Variants in ADCY2 observed in about 807,000 individuals in gnomAD.
ADCY2 encodes the protein adenylate cyclase type 2.
Under a neutral mutation model 125.2 loss-of-function variants are expected in ADCY2, and 31 were observed. The ratio of observed to expected loss-of-function variants is 0.25; its 90% CI spans 0.19 to 0.33. ADCY2 has a LOEUF of 0.33. ADCY2 is among the 10% of genes least tolerant of loss of function. The pLI, the probability that ADCY2 is intolerant of heterozygous loss-of-function variation, is 1.00. For missense variants in ADCY2, 904 were observed against 1,418.2 expected, an observed-to-expected ratio of 0.64 and a Z score of 5.82; for synonymous variants, 512 against 548.4, an observed-to-expected ratio of 0.93 and a Z score of 0.93.
At chr5:7,632,930 T>C (rs1439773218) in intron 4 of ADCY2, among the ~76,000 whole-genome samples, 1 of 152,152 alleles carries the variant, frequency 6.6e-6, no homozygotes, top group East Asian at 1.9e-4. Context: ...TTGCGAAGAT[T>C]GCAATGAAGA....
chr5:7,663,736 A>G (rs1468642950), intron 4 of ADCY2, among the ~76,000 whole-genome samples: 1 of 152,186 alleles, frequency 6.6e-6, no homozygotes, highest in East Asian at 1.9e-4. Flanking sequence ...ATATTTGGTC[A>G]GGCCGATAGG....
chr5:7,400,273 T>G (rs755823961), intron 1 of ADCY2, among the ~76,000 whole-genome samples: 1 of 152,218 alleles, frequency 6.6e-6, no homozygotes, highest in African/African-American at 2.4e-5. Context: ...AATAAGAGTA[T>G]GCACTTTTAT....
intron 18 of ADCY2, among the ~76,000 whole-genome samples, chr5:7,783,272 T>C (rs968156705): frequency 3.3e-5 from 5 of 152,304 alleles, no homozygotes; most frequent in African/African-American, 7.2e-5. Context: ...ACAAGTATCA[T>C]TTGGAAAGAG....
intron 15 of ADCY2, among the ~76,000 whole-genome samples, chr5:7,744,063 C>T (rs1465825277): frequency 6.6e-6 from 1 of 152,138 alleles, no homozygotes; most frequent in African/African-American, 2.4e-5. Flanking sequence ...TTTATAGCAG[C>T]AAATGCAAGT....
intron 2 of ADCY2, among the ~76,000 whole-genome samples, chr5:7,425,520 T>C (rs1487488703): frequency 2.6e-5 from 4 of 152,242 alleles, no homozygotes. Flanking sequence ...GAGAGTGAAT[T>C]ATAGACTTCA....
intron 2 of ADCY2, among the ~76,000 whole-genome samples, chr5:7,493,878 G>A (rs1190837393): frequency 6.6e-6 from 1 of 152,092 alleles, no homozygotes; most frequent in Admixed American, 6.6e-5. Flanking sequence ...AGGAAACTGA[G>A]TCAAATAAGT....
chr5:7,481,983 A>G (rs747071332), intron 2 of ADCY2, among the ~76,000 whole-genome samples: 4 of 152,164 alleles, frequency 2.6e-5, no homozygotes, highest in Non-Finnish European at 5.9e-5. Context: ...AGATGGTCCA[A>G]TTACTATAGG....
chr5:7,668,808 T>C (rs1237944885), intron 4 of ADCY2, among the ~76,000 whole-genome samples: 1 of 152,162 alleles, frequency 6.6e-6, no homozygotes, highest in East Asian at 1.9e-4. Context: ...TGCTCTGAAA[T>C]TCCAACCCAA....
At chr5:7,767,791 G>A (rs1257571460) in intron 17 of ADCY2, among the ~76,000 whole-genome samples, 1 of 152,098 alleles carries the variant, frequency 6.6e-6, no homozygotes, top group Non-Finnish European at 1.5e-5. Context: ...AGCACTTTGG[G>A]AGTCCGAGGC....
intron 3 of ADCY2, among the ~76,000 whole-genome samples, chr5:7,560,544 G>C (rs975020673): frequency 2.0e-5 from 3 of 152,020 alleles, no homozygotes; most frequent in African/African-American, 7.2e-5. Flanking sequence ...GACCCTTTAT[G>C]CACATGTCTG....
At chr5:7,430,574 G>GTA (rs1182465076) in intron 2 of ADCY2, among the ~76,000 whole-genome samples, 5 of 148,032 alleles carry the variant, frequency 3.4e-5, no homozygotes, top group African/African-American at 4.9e-5. Flanking sequence ...TATATATAGT[G>GTA]TATATATATA....
intron 3 of ADCY2, among the ~76,000 whole-genome samples, chr5:7,616,871 A>G (rs758345690): frequency 2.3e-4 from 35 of 152,108 alleles, no homozygotes; most frequent in Admixed American, 1.0e-3. Flanking sequence ...CCCTAATGCA[A>G]TCTGACTGGT....
At chr5:7,678,100 A>C (rs151087180) in intron 4 of ADCY2, among the ~76,000 whole-genome samples, 163 of 152,294 alleles carry the variant, frequency 1.1e-3, no homozygotes, top group African/African-American at 3.7e-3. Context: ...ATATTTTTTA[A>C]TGTAATATAG....
At chr5:7,442,353 G>A (rs1741044863) in intron 2 of ADCY2, among the ~76,000 whole-genome samples, 1 of 151,982 alleles carries the variant, frequency 6.6e-6, no homozygotes, top group African/African-American at 2.4e-5. Context: ...CTATCTCCTT[G>A]GGCTTTTAGC....
intron 3 of ADCY2, among the ~76,000 whole-genome samples, chr5:7,597,591 A>T (rs967700465): frequency 1.1e-4 from 17 of 152,190 alleles, no homozygotes; most frequent in African/African-American, 4.1e-4. Flanking sequence ...CCTGAGCAAC[A>T]TGACAAAAAC....
intron 17 of ADCY2, among the ~76,000 whole-genome samples, chr5:7,769,872 G>A (rs1743504954): frequency 6.6e-6 from 1 of 152,166 alleles, no homozygotes; most frequent in Non-Finnish European, 1.5e-5. Flanking sequence ...GGTCAAAACT[G>A]GTAAACATTA....
chr5:7,688,274 G>GTTTT (rs56801001), intron 4 of ADCY2, among the ~76,000 whole-genome samples: 6 of 147,818 alleles, frequency 4.1e-5, no homozygotes, highest in East Asian at 2.0e-4. Flanking sequence ...TTTTTTTGTT[G>GTTTT]TTTTTTTTTT....
At chr5:7,582,259 T>C (rs1736462342) in intron 3 of ADCY2, among the ~76,000 whole-genome samples, 2 of 151,930 alleles carry the variant, frequency 1.3e-5, no homozygotes, top group South Asian at 2.1e-4. Context: ...AGCATAAGGA[T>C]CCACAAATAG....
intron 4 of ADCY2, among the ~76,000 whole-genome samples, chr5:7,645,469 G>A (rs1360892998): frequency 6.6e-6 from 1 of 152,154 alleles, no homozygotes; most frequent in African/African-American, 2.4e-5. Context: ...ACACTGAAGA[G>A]CAGTAAGATT....
Sources: allele counts gnomAD v4.1 joint callset (sites outside exome capture counted in the v4.1 genomes callset), GRCh38; gene constraint gnomAD v4.1.1; transcripts MANE v1.5; gene names NCBI Gene and HGNC (gene_info 2026-07-23, HGNC 2026-07-21).